PHF14: variants seen among roughly 807,000 people sequenced by gnomAD.
The protein encoded by PHF14 is PHD finger protein 14.
In PHF14, 55 loss-of-function variants were observed where a neutral mutation model predicts 117.9. The ratio of observed to expected loss-of-function variants is 0.47; its 90% CI spans 0.38 to 0.58. The LOEUF is 0.58. PHF14 is among the 20% of genes least tolerant of loss of function. The pLI, the probability that PHF14 is intolerant of heterozygous loss-of-function variation, is 0.00. For missense variants in PHF14, 978 were observed against 1,122.2 expected (o/e 0.87, Z 1.84); for synonymous variants, 409 against 368.6 (o/e 1.11, Z -1.26).
At chr7:11,077,790 A>G (rs958509831) in intron 16 of PHF14, among the ~76,000 whole-genome samples, 4 of 152,092 alleles carry the variant, frequency 2.6e-5, no homozygotes, top group African/African-American at 7.2e-5. Context: ...GGAGCAATAC[A>G]AGGTAATAGA....
rs544994170 is a variant in PHF14, at chr7:11,079,912, A to T, written c.2654+17827A>T. On this transcript the variant is annotated intron_variant, in intron 16 of 17. Coordinates refer to ENST00000634607, the MANE Select transcript of PHF14 (RefSeq NM_001007157.2). The stretch of plus-strand genomic sequence containing the variant: ...AAAGCTTTATGACATAGAAATTACC[A>T]ATTGCATGTAACTCAAAAAGTGCCA... Among the ~76,000 whole-genome samples, 188 of 152,272 alleles carry T rather than the reference A, an allele frequency of 1.2e-3. 1 individual carries two copies. Among genetic ancestry groups the T allele is most frequent in the African/African-American group, 4.3e-3 (179 of 41,580 alleles).
rs1284910648 is a variant in PHF14 at position 10,974,311 on chromosome 7, T to C, written c.-13T>C. The C allele has an allele frequency of 2.5e-6, 4 of 1,590,062 alleles. No homozygotes were observed. Among genetic ancestry groups the C allele is most frequent in the Non-Finnish European group, 3.4e-6 (4 of 1,167,646 alleles). On this transcript the variant is annotated 5_prime_UTR_variant, in exon 1 of 18. Transcript: ENST00000634607. ...CCTAAGTCTTCTCCAAACGACCACC[T>C]CACGGATTCCTTAGTAAGTGTATCC...
Position 11,038,805 on chromosome 7 carries a change from C to T in PHF14, c.2026C>T (p.Arg676Ter), listed in dbSNP as rs1316732849. 3 of 1,598,904 alleles carry T rather than the reference C, an allele frequency of 1.9e-6. No individual in the cohort carries two copies. The highest frequency in any genetic ancestry group is 1.7e-5 in the Admixed American group (1 of 58,952). The change falls in exon 11 of 18, where the codon CGA becomes TGA. Residue 676 changes from arginine (R) to a stop codon, truncating the protein, a stop_gained. Transcript: ENST00000634607. LOFTEE classifies it high-confidence loss of function. The stretch of plus-strand genomic sequence containing the variant: ...ACTACAAAACCTGAATGGAAAACTT[C>T]GAAGTGAAGGACAAGGAATATGGGC... ...EELQNLNGKL[R>*]SEGQGIWALL...
intron 16 of PHF14, among the ~76,000 whole-genome samples, chr7:11,081,609 C>T (rs932876217): frequency 3.9e-5 from 6 of 152,182 alleles, no homozygotes; most frequent in Non-Finnish European, 8.8e-5. Context: ...GTAATCCCAG[C>T]ACTTTGGGAG....
intron 16 of PHF14, chr7:11,104,976 G>T (rs62440510): frequency 0.013 from 11,705 of 915,488 alleles, 85 homozygotes; most frequent in South Asian, 0.014. Flanking sequence ...CTAGATAAAA[G>T]AATTAGTAAT....
At chr7:11,137,100 C>T (rs1461688599) in intron 17 of PHF14, among the ~76,000 whole-genome samples, 2 of 152,132 alleles carry the variant, frequency 1.3e-5, no homozygotes, top group African/African-American at 4.8e-5. Flanking sequence ...TAAACCCTTC[C>T]CAAGAAAATT....
intron 16 of PHF14, among the ~76,000 whole-genome samples, chr7:11,081,851 G>A (rs932741329): frequency 6.8e-5 from 10 of 147,060 alleles, no homozygotes; most frequent in African/African-American, 2.3e-4. Context: ...ATGAGACTCC[G>A]TCTCAAAAAA....
chr7:11,050,644 C>G (rs1317786694), intron 13 of PHF14, among the ~76,000 whole-genome samples: 1 of 152,178 alleles, frequency 6.6e-6, no homozygotes, highest in Non-Finnish European at 1.5e-5. Flanking sequence ...GGCCACTGTT[C>G]TGGACAGCAC....
At chr7:11,093,546 A>G (rs944306058) in intron 16 of PHF14, among the ~76,000 whole-genome samples, 1 of 151,684 alleles carries the variant, frequency 6.6e-6, no homozygotes, top group Non-Finnish European at 1.5e-5. Context: ...CGTCATTTGT[A>G]CTCCCCTGTT....
At chr7:11,004,125 G>A (rs912083529) in intron 4 of PHF14, among the ~76,000 whole-genome samples, 1 of 151,782 alleles carries the variant, frequency 6.6e-6, no homozygotes, top group Non-Finnish European at 1.5e-5. Flanking sequence ...GCTTGCGCCT[G>A]TAGTCCCAAC....
At chr7:11,147,897 G>C (rs769366861) in intron 17 of PHF14, among the ~76,000 whole-genome samples, 2 of 151,856 alleles carry the variant, frequency 1.3e-5, no homozygotes, top group South Asian at 4.2e-4. Flanking sequence ...CTAAAGATTG[G>C]CTCAAACTTA....
chr7:11,082,483 A>G (rs560996345), intron 16 of PHF14, among the ~76,000 whole-genome samples: 46 of 152,274 alleles, frequency 3.0e-4, no homozygotes, highest in African/African-American at 9.9e-4. Context: ...CACATTTTCA[A>G]TGTCTATTTT....
At chr7:11,066,759 A>G (rs954921260) in intron 16 of PHF14, among the ~76,000 whole-genome samples, 3 of 152,172 alleles carry the variant, frequency 2.0e-5, no homozygotes, top group Admixed American at 6.5e-5. Flanking sequence ...TAGACTTTCT[A>G]TTATATTCCA....
intron 13 of PHF14, among the ~76,000 whole-genome samples, chr7:11,047,930 G>C: frequency 8.1e-6 from 1 of 124,004 alleles, no homozygotes; most frequent in Non-Finnish European, 1.7e-5. Context: ...GAAGGGAGAG[G>C]GAGGGGGAGG....
At position 11,155,916 on chromosome 7, in the gene PHF14, A is replaced by G. The variant is rs146438877; in HGVS notation, c.2773-13500A>G. ...TTTTAAAATTTTATTTTATAAAATA[A>G]TTTTGTCCTTATGTTTTATAGCCTA... On this transcript the variant is annotated intron_variant, in intron 17 of 17. Transcript: ENST00000634607. 5.1e-3 allele frequency among the ~76,000 whole-genome samples: 775 copies of G among 152,262 alleles called. 1 individual carries two copies. The highest frequency in any genetic ancestry group is 8.1e-3 in the Non-Finnish European group (551 of 68,016).
chr7:11,055,169 A>T (rs1235516423), intron 14 of PHF14, among the ~76,000 whole-genome samples: 1 of 152,182 alleles, frequency 6.6e-6, no homozygotes, highest in Non-Finnish European at 1.5e-5. Context: ...CTATGTGGAA[A>T]CTTTTACTTA....
chr7:11,056,317 A>T (rs867447148), intron 14 of PHF14, among the ~76,000 whole-genome samples: 18 of 152,278 alleles, frequency 1.2e-4, no homozygotes, highest in Middle Eastern at 3.4e-3. Flanking sequence ...TTTTGTATAT[A>T]CCATTATCTC....
chr7:10,975,040 T>G, intron 2 of PHF14, 95 bp downstream of exon 2: 1 of 706,722 alleles, frequency 1.4e-6, no homozygotes, highest in South Asian at 1.7e-5. Context: ...ATGCCAATTT[T>G]AAGTGAAAGC....
intron 4 of PHF14, among the ~76,000 whole-genome samples, chr7:10,993,572 C>G (rs753604669): frequency 3.3e-5 from 5 of 152,146 alleles, no homozygotes; most frequent in Non-Finnish European, 7.3e-5. Flanking sequence ...AACTTAATGT[C>G]TGGACAGACA....
Sources: allele counts gnomAD v4.1 joint callset (sites outside exome capture counted in the v4.1 genomes callset), GRCh38; gene constraint gnomAD v4.1.1; transcripts MANE v1.5; gene names NCBI Gene and HGNC (gene_info 2026-07-23, HGNC 2026-07-21).